The following SH3TC1 variants were observed in gnomAD, a reference collection of about 807,000 sequenced individuals.
SH3TC1 encodes SH3 domain and tetratricopeptide repeats 1.
Under a neutral mutation model 117.3 loss-of-function variants are expected in SH3TC1, and 135 were observed. That is an observed-to-expected ratio of 1.15 (90% CI 1.00 to 1.33). SH3TC1 has a LOEUF of 1.33. SH3TC1 is among the 40% of genes most tolerant of loss of function. The pLI, the probability that SH3TC1 is intolerant of heterozygous loss-of-function variation, is 0.00. For synonymous variants in SH3TC1, 898 were observed against 816.9 expected, an observed-to-expected ratio of 1.10 and a Z score of -1.69; for missense variants, 2,092 against 1,794.3, an observed-to-expected ratio of 1.17 and a Z score of -3.00.
rs1721723956 is a variant in SH3TC1 at position 8,235,505 on chromosome 4, A to G, written c.3355A>G (p.Ile1119Val). Residue 1119 changes from isoleucine (I) to valine (V), a missense_variant, in exon 15 of 18, where the codon ATC (isoleucine) becomes GTC (valine). Physicochemically the swap from Ile to Val is conservative, Grantham distance 29 (BLOSUM62 3). Coordinates refer to ENST00000245105, the MANE Select transcript of SH3TC1 (RefSeq NM_018986.5). The stretch of plus-strand genomic sequence containing the variant: ...GGAGCTGTTTGAGGCGGCTGGAGAC[A>G]TCTTCTTCGACGGGGCCTGGGAGCG... ...GLELFEAAGD[I>V]FFDGAWEREK... 6.2e-7 allele frequency: 1 copy of G among 1,606,950 alleles called. No individual in the cohort carries two copies. Among genetic ancestry groups the G allele is most frequent in the South Asian group, 1.1e-5 (1 of 90,012 alleles).
In SH3TC1 at chr4:8,205,949, G is replaced by A. The variant is rs1281130; in HGVS notation, c.172+583G>A. On this transcript the variant is annotated intron_variant, in intron 2 of 17. Coordinates refer to ENST00000245105, the MANE Select transcript of SH3TC1 (RefSeq NM_018986.5). The surrounding 1 kb of genome is among the most constrained non-coding windows in gnomAD (Gnocchi z 5.4). ...GACCAAGGCCTGCACGGCCCCTCCCGGCAGGAGACAGCTGCGGTTGTGACC... is the reference window on the plus strand; with the variant it reads ...GACCAAGGCCTGCACGGCCCCTCCCAGCAGGAGACAGCTGCGGTTGTGACC... The A allele has an allele frequency of 0.31, 140,535 of 449,326 alleles. 24,425 individuals carry two copies. Among genetic ancestry groups the A allele is most frequent in the South Asian group, 0.41 (10,041 of 24,238 alleles). The allele number at this position is 449,326 out of a possible 1,614,324, so 27.8% of individuals were successfully genotyped here.
intron 13 of SH3TC1, chr4:8,232,373 C>T (rs374670774): frequency 1.5e-5 from 23 of 1,580,584 alleles, no homozygotes; most frequent in South Asian, 6.7e-5. Context: ...TTGGGTGACA[C>T]GTCTTCCCAT....
At position 8,205,355 on chromosome 4, in the gene SH3TC1, C is replaced by T. The variant is rs540251212; in HGVS notation, c.161C>T (p.Pro54Leu). ...GCGGGGCCCGAGGAGGCCAAGGCGC[C>T]AGTGAGAGGCGGTGAGTTCATTCCA... ...EKAGPEEAKAPVRGDEAPPAR... is the reference protein window; with the variant it reads ...EKAGPEEAKALVRGDEAPPAR... The change falls in exon 2 of 18, where the codon CCA (proline) becomes CTA (leucine). Residue 54 changes from proline (P) to leucine (L), a missense_variant. Transcript: ENST00000245105. This position sits in a 1 kb window ranked among gnomAD's most constrained non-coding sequence, Gnocchi z 5.4. The T allele has an allele frequency of 3.0e-5, 47 of 1,547,704 alleles. No individual in the cohort carries two copies. The African/African-American group carries it at 3.8e-4, about 13-fold the overall frequency.
intron 1 of SH3TC1, among the ~76,000 whole-genome samples, chr4:8,185,795 G>A (rs542329811): frequency 8.5e-5 from 13 of 152,318 alleles, no homozygotes; most frequent in Admixed American, 6.5e-4. Context: ...TTCAGAAGTC[G>A]ACAGTCATCT....
chr4:8,215,235 T>G lies in SH3TC1; in HGVS notation c.481+655T>G, dbSNP rs1356165862. On this transcript the variant is annotated intron_variant, in intron 5 of 17. Coordinates refer to ENST00000245105, the MANE Select transcript of SH3TC1 (RefSeq NM_018986.5). ...ACCGGGAAAGCTGTTATTTGAAAGCTGACCCACGTGAGCTCTTCCTGGCAC... is the reference window on the plus strand; with the variant it reads ...ACCGGGAAAGCTGTTATTTGAAAGCGGACCCACGTGAGCTCTTCCTGGCAC... The G allele has an allele frequency of 1.5e-5, 7 of 456,146 alleles. No homozygotes were observed. The East Asian group carries it at 4.2e-4, about 27-fold the overall frequency. 28.3% of individuals were successfully genotyped at this position (456,146 alleles called of 1,614,324 possible).
In SH3TC1 at chr4:8,228,015, C is replaced by T. The variant is rs369131712; in HGVS notation, c.2321C>T (p.Ala774Val). 1.2e-6 allele frequency: 2 copies of T among 1,611,054 alleles called. No homozygotes were observed. Among genetic ancestry groups the T allele is most frequent in the Non-Finnish European group, 1.7e-6 (2 of 1,178,952 alleles). Residue 774 changes from alanine to valine, a missense_variant, in exon 12 of 18, where the codon GCC becomes GTC. Coordinates refer to ENST00000245105, the MANE Select transcript of SH3TC1 (RefSeq NM_018986.5). ...TCCCACTACCTCAGGCAAGCGCTGG[C>T]CTCCCTGACCCCGGGCACAGGCCAG... ...QTSHYLRQAL[A>V]SLTPGTGQAL...
chr4:8,209,951 G>T lies in SH3TC1; in HGVS notation c.247+129G>T. 1 of 955,096 alleles carries T rather than the reference G, an allele frequency of 1.0e-6. No individual in the cohort carries two copies. Among genetic ancestry groups the T allele is most frequent in the Non-Finnish European group, 1.6e-6 (1 of 642,942 alleles). The allele number at this position is 955,096 out of a possible 1,614,324, so 59.2% of individuals were successfully genotyped here. On this transcript the variant is annotated intron_variant, in intron 3 of 17. Transcript: ENST00000245105. This position sits in a 1 kb window ranked among gnomAD's most constrained non-coding sequence, Gnocchi z 5.9. ...AGACTTCCCACCTTAAAATCATGATGGGAATAGAAAGAAGGGTTTGTTAAA... is the reference window on the plus strand; with the variant it reads ...AGACTTCCCACCTTAAAATCATGATTGGAATAGAAAGAAGGGTTTGTTAAA...
Position 8,192,916 on chromosome 4 carries a change from C to T in SH3TC1, c.-57+10706C>T, listed in dbSNP as rs184539384. 9.8e-5 allele frequency among the ~76,000 whole-genome samples: 15 copies of T among 152,332 alleles called. No homozygotes were observed. In the South Asian group the frequency reaches 2.3e-3, roughly 23 times the overall value. On this transcript the variant is annotated intron_variant, in intron 1 of 16. Transcript: ENST00000508641. The surrounding 1 kb of genome is among the most constrained non-coding windows in gnomAD (Gnocchi z 4.1). ...GCATGACCAGGGTGGAGCAGTGAAG[C>T]GGGGCCTGACGTGATGTACCATGTT...
In SH3TC1 at chr4:8,218,276, C is replaced by T. The variant is rs774490040; in HGVS notation, c.845C>T (p.Ala282Val). 2 of 1,610,238 alleles carry T rather than the reference C, an allele frequency of 1.2e-6. No homozygotes were observed. The highest frequency in any genetic ancestry group is 1.7e-5 in the Admixed American group (1 of 59,856). The change falls in exon 8 of 18, where the codon GCT becomes GTT. Residue 282 changes from alanine (A) to valine (V), a missense_variant. Transcript: ENST00000245105. ...CCTCCCTCTTCCGGCTCCAGGTGGG[C>T]TCTTAGGATCCCCCAGGACCCCATC... ...PEPLIPFHQW[A>V]LRIPQDPIDD...
At chr4:8,203,295 T>TGC (rs1190118018) in intron 1 of SH3TC1, among the ~76,000 whole-genome samples, 2 of 152,044 alleles carry the variant, frequency 1.3e-5, no homozygotes, top group African/African-American at 4.8e-5. Context: ...TGTGTGTGTG[T>TGC]GTGCTTGCAC....
chr4:8,198,664 G>A (rs565543953), upstream of SH3TC1, among the ~76,000 whole-genome samples: 1 of 152,210 alleles, frequency 6.6e-6, no homozygotes, highest in Non-Finnish European at 1.5e-5. Flanking sequence ...GGGTAAAGAG[G>A]TAGACCCGTT....
rs528554964 is a variant in SH3TC1, at chr4:8,209,666, G to A, written c.173-82G>A. On this transcript the variant is annotated intron_variant, in intron 2 of 17. Coordinates refer to ENST00000245105, the MANE Select transcript of SH3TC1 (RefSeq NM_018986.5). The surrounding 1 kb of genome is among the most constrained non-coding windows in gnomAD (Gnocchi z 5.9). The stretch of plus-strand genomic sequence containing the variant: ...CAGAACTCACCTCTTTTCTTGCAGA[G>A]AGACCTGGAGCGTTTGGCGCCTTCA... 12 of 1,586,384 alleles carry A rather than the reference G, an allele frequency of 7.6e-6. No homozygotes were observed. The highest frequency in any genetic ancestry group is 6.7e-5 in the African/African-American group (5 of 74,670).
chr4:8,182,207 C>T (rs1717099052), exon 1 of SH3TC1: 2 of 152,478 alleles, frequency 1.3e-5, no homozygotes, highest in Admixed American at 1.3e-4. Context: ...CCTTCCCTGG[C>T]AGGGTAAGTT....
intron 17 of SH3TC1, among the ~76,000 whole-genome samples, chr4:8,239,526 GCA>G (rs934502024): frequency 6.8e-5 from 10 of 147,910 alleles, no homozygotes; most frequent in Admixed American, 4.0e-4. Context: ...ATGCACACAG[GCA>G]CACACACAGA....
At chr4:8,235,031 G>C (rs1227965088) in intron 14 of SH3TC1, among the ~76,000 whole-genome samples, 1 of 152,244 alleles carries the variant, frequency 6.6e-6, no homozygotes, top group African/African-American at 2.4e-5. Flanking sequence ...TCATGGCCAA[G>C]AGGGGACCAG....
intron 3 of SH3TC1, 45 bp from the exon 4 acceptor site, chr4:8,212,656 C>T: frequency 6.2e-7 from 1 of 1,611,904 alleles, no homozygotes; most frequent in Non-Finnish European, 8.5e-7. Flanking sequence ...ACAGACTTCC[C>T]AGCCCAGGTC....
upstream of SH3TC1, among the ~76,000 whole-genome samples, chr4:8,195,936 G>T (rs1182138991): frequency 6.6e-6 from 1 of 152,196 alleles, no homozygotes; most frequent in Non-Finnish European, 1.5e-5. Flanking sequence ...CTGAGCAGGG[G>T]CACAGGGCAG....
rs190451036 is a variant in SH3TC1, at chr4:8,192,291, C to G, written c.-57+10081C>G. 3.4e-4 allele frequency among the ~76,000 whole-genome samples: 52 copies of G among 152,036 alleles called. No homozygotes were observed. Among genetic ancestry groups the G allele is most frequent in the African/African-American group, 1.3e-3 (52 of 41,486 alleles). Reference sequence around the variant, plus strand: ...GATTACAGGCGTGAGCCACTGCGCCCGGCCCTCAGTCACCTTTAAAATGAA... The same window carrying G: ...GATTACAGGCGTGAGCCACTGCGCCGGGCCCTCAGTCACCTTTAAAATGAA... On this transcript the variant is annotated intron_variant, in intron 1 of 16. Transcript: ENST00000508641. The surrounding 1 kb of genome is among the most constrained non-coding windows in gnomAD (Gnocchi z 4.1).
intron 13 of SH3TC1, 36 bp downstream of exon 13, chr4:8,232,192 A>T: frequency 9.4e-5 from 4 of 42,344 alleles, no homozygotes; most frequent in Non-Finnish European, 1.6e-4. Context: ...GGGCGGGGGG[A>T]GGGGGCAAAG....
Sources: gnomAD v4.1 joint callset for allele counts (sites outside exome capture counted in the v4.1 genomes callset) on GRCh38, gnomAD v4.1.1 for gene constraint, Gnocchi (gnomAD v3.1) non-coding constraint, MANE v1.5 for transcripts, NCBI Gene and HGNC (gene_info 2026-07-23, HGNC 2026-07-21) for gene names.